The following ADGRB1 variants were observed in gnomAD, a reference collection of about 807,000 sequenced individuals.
The protein encoded by ADGRB1 is adhesion G protein-coupled receptor B1.
A neutral mutation model predicts 175.7 loss-of-function variants in ADGRB1; 36 were observed. The ratio of observed to expected loss-of-function variants is 0.20; its 90% CI spans 0.16 to 0.27. ADGRB1 has a LOEUF of 0.27. Among genes scored for constraint, ADGRB1 ranks in the 10% least tolerant of loss-of-function variants. ADGRB1 has a pLI of 1.00. For synonymous variants in ADGRB1, 1,054 were observed against 979.4 expected, an observed-to-expected ratio of 1.08 and a Z score of -1.42; for missense variants, 1,731 against 2,255.3, an observed-to-expected ratio of 0.77 and a Z score of 4.71.
rs111610538 is a variant in ADGRB1 at position 142,468,669 on chromosome 8, A to AAC, written c.784+3688_784+3689insCA. 3.0e-3 allele frequency among the ~76,000 whole-genome samples: 450 copies of AAC among 152,274 alleles called. 6 individuals are homozygous for AAC. Among genetic ancestry groups the AAC allele is most frequent in the African/African-American group, 0.01 (429 of 41,532 alleles). On this transcript the variant is annotated intron_variant, in intron 2 of 30. Coordinates refer to ENST00000517894, the MANE Select transcript of ADGRB1 (RefSeq NM_001702.3). ...TCACACAGCTGTTCCCTCTGCCAGG[A>AAC]AGTCTTCCCTAGAGACCCGCAGGGC...
At chr8:142,506,339 C>T (rs1434705391) in intron 17 of ADGRB1, among the ~76,000 whole-genome samples, 1 of 152,162 alleles carries the variant, frequency 6.6e-6, no homozygotes, top group East Asian at 1.9e-4. Context: ...CGCTCTAGGT[C>T]CCCACTCCTC....
intron 27 of ADGRB1, 94 bp from the exon 28 acceptor site, chr8:142,541,847 G>T (rs538488531): frequency 7.5e-7 from 1 of 1,338,550 alleles, no homozygotes; most frequent in Non-Finnish European, 1.0e-6. Context: ...TGGCGGCCTC[G>T]CAGGGCAGAC....
intron 17 of ADGRB1, among the ~76,000 whole-genome samples, chr8:142,491,592 A>T (rs1260488356): frequency 6.6e-6 from 1 of 152,174 alleles, no homozygotes; most frequent in African/African-American, 2.4e-5. Context: ...GGGTCCCAAC[A>T]TGCGGCTCCG....
chr8:142,516,666 TCCCAGGTGCATGCCTGTGTGCGGGC>T (rs1363728543), intron 18 of ADGRB1, among the ~76,000 whole-genome samples: 3,400 of 106,952 alleles, frequency 0.032, 63 homozygotes, highest in Non-Finnish European at 0.046. Context: ...TGTGTGTGGG[TCCCAGGTGCATGCCTGTGTGCGGGC>T]CCCAGGTGCG....
chr8:142,457,140 G>A (rs1245120574), intron 1 of ADGRB1, among the ~76,000 whole-genome samples: 4 of 152,202 alleles, frequency 2.6e-5, no homozygotes, highest in African/African-American at 7.2e-5. Context: ...TGGAAAGCTG[G>A]CCTCTGACGC....
intron 1 of ADGRB1, among the ~76,000 whole-genome samples, chr8:142,453,668 G>A (rs1351998317): frequency 6.6e-6 from 1 of 152,116 alleles, no homozygotes. Flanking sequence ...TGGGAGCAGG[G>A]CAGGGGGCAG....
rs1315683465 is a variant in ADGRB1, at chr8:142,510,403, G to T, written c.2676-529G>T. Among the ~76,000 whole-genome samples the T allele has an allele frequency of 6.6e-6, 1 of 151,986 alleles. No individual in the cohort carries two copies. The highest frequency in any genetic ancestry group is 2.4e-5 in the African/African-American group (1 of 41,428). ...GGATGGAGCGGTCCCAAGGTCGTCA[G>T]CTCCAGCCGGCGCCCTGGGCCGCGG... On this transcript the variant is annotated intron_variant, in intron 17 of 30. Transcript: ENST00000517894. The surrounding 1 kb of genome is among the most constrained non-coding windows in gnomAD (Gnocchi z 6.3).
intron 1 of ADGRB1, among the ~76,000 whole-genome samples, chr8:142,453,466 GC>G (rs1344262980): frequency 1.3e-5 from 2 of 152,180 alleles, no homozygotes; most frequent in Non-Finnish European, 2.9e-5. Context: ...ACCCCTCCGG[GC>G]CCGCGAGCCC....
chr8:142,539,763 A>G, intron 27 of ADGRB1: 1 of 436,172 alleles, frequency 2.3e-6, no homozygotes. Flanking sequence ...CGAGGAGCAC[A>G]GCCTCACCCT....
intron 24 of ADGRB1, among the ~76,000 whole-genome samples, chr8:142,528,478 C>T (rs955511092): frequency 6.6e-6 from 1 of 152,168 alleles, no homozygotes; most frequent in Non-Finnish European, 1.5e-5. Context: ...TTTGGCCCCG[C>T]CCCTCCTGCC....
chr8:142,520,758 A>C, intron 19 of ADGRB1, 65 bp from the exon 20 acceptor site: 2 of 1,421,978 alleles, frequency 1.4e-6, no homozygotes, highest in Non-Finnish European at 2.0e-6. Context: ...GTGCCACAGG[A>C]CCACAGCCCC....
At chr8:142,456,133 C>T (rs950140636) in intron 1 of ADGRB1, among the ~76,000 whole-genome samples, 1 of 152,090 alleles carries the variant, frequency 6.6e-6, no homozygotes, top group Non-Finnish European at 1.5e-5. Context: ...GCACTCTGCA[C>T]CCCCTCCCTG....
chr8:142,506,007 C>T (rs974870130), intron 17 of ADGRB1, among the ~76,000 whole-genome samples: 2 of 152,216 alleles, frequency 1.3e-5, no homozygotes, highest in Non-Finnish European at 2.9e-5. Context: ...CCTGGCTGTG[C>T]GCCCTACCTT....
chr8:142,500,541 A>G lies in ADGRB1; in HGVS notation c.2675+9726A>G, dbSNP rs560374974. Among the ~76,000 whole-genome samples, 4 of 151,526 alleles carry G rather than the reference A, an allele frequency of 2.6e-5. No individual in the cohort carries two copies. The South Asian group carries it at 8.3e-4, about 32-fold the overall frequency. On this transcript the variant is annotated intron_variant, in intron 17 of 30. Coordinates refer to ENST00000517894, the MANE Select transcript of ADGRB1 (RefSeq NM_001702.3). ...ACGGGGATGGGCCTGGAAGGCCGTG[A>G]GCCTCTTCCGCTCAGCACCCGTGTC... is the stretch of plus-strand genomic sequence containing the variant.
chr8:142,531,499 C>T (rs1049847578), intron 24 of ADGRB1, among the ~76,000 whole-genome samples: 2 of 152,142 alleles, frequency 1.3e-5, no homozygotes, highest in African/African-American at 2.4e-5. Context: ...GGGGAAGGGC[C>T]AAGGAGGTTG....
At chr8:142,526,662 G>A (rs369946887) in intron 24 of ADGRB1, 35 bp downstream of exon 24, 20 of 1,581,496 alleles carry the variant, frequency 1.3e-5, no homozygotes, top group Admixed American at 1.2e-4. Context: ...TTGCCCACCC[G>A]GAGTGCAAGA....
At chr8:142,531,352 G>A (rs1159432530) in intron 24 of ADGRB1, among the ~76,000 whole-genome samples, 1 of 152,254 alleles carries the variant, frequency 6.6e-6, no homozygotes, top group East Asian at 1.9e-4. Flanking sequence ...GGACACAGCA[G>A]TGAGTGACAG....
chr8:142,528,476 C>G (rs1029709975), intron 24 of ADGRB1, among the ~76,000 whole-genome samples: 2 of 152,196 alleles, frequency 1.3e-5, no homozygotes, highest in Admixed American at 1.3e-4. Flanking sequence ...ACTTTGGCCC[C>G]GCCCCTCCTG....
rs563653619 is a variant in ADGRB1 at position 142,511,901 on chromosome 8, G to A, written c.2817+828G>A. ...CCAGACCTCGTGTGGAAGCCTGGGA[G>A]GCAGCAGGGGTGGAGGATGCACTTG... On this transcript the variant is annotated intron_variant, in intron 18 of 30. Transcript: ENST00000517894. This position sits in a 1 kb window ranked among gnomAD's most constrained non-coding sequence, Gnocchi z 4.5. Among the ~76,000 whole-genome samples, 66 of 152,368 alleles carry A rather than the reference G, an allele frequency of 4.3e-4. No homozygotes were observed. Among genetic ancestry groups the A allele is most frequent in the African/African-American group, 1.3e-3 (56 of 41,588 alleles).
Sources: gnomAD v4.1 joint callset for allele counts (sites outside exome capture counted in the v4.1 genomes callset) on GRCh38, gnomAD v4.1.1 for gene constraint, Gnocchi (gnomAD v3.1) non-coding constraint, MANE v1.5 for transcripts, NCBI Gene and HGNC (gene_info 2026-07-23, HGNC 2026-07-21) for gene names.